RNF207: variants seen among roughly 807,000 people sequenced by gnomAD.
RNF207 encodes the protein ring finger protein 207.
RNF207 carries 72 observed loss-of-function variants against 79.0 expected under a neutral mutation model. The ratio of observed to expected loss-of-function variants is 0.91; its 90% CI spans 0.75 to 1.11. The LOEUF is 1.11. Ranked by LOEUF, RNF207 falls within the 50% of genes least tolerant of loss-of-function variation. The pLI is 0.00. For missense variants in RNF207, 936 were observed against 855.8 expected (o/e 1.09, Z -1.17); for synonymous variants, 348 against 366.2 (o/e 0.95, Z 0.57).
At chr1:6,218,239 C>T (rs766552697) in intron 16 of RNF207, 50 bp from the exon 17 acceptor site, 1 of 1,300,128 alleles carries the variant, frequency 7.7e-7, no homozygotes, top group Admixed American at 1.7e-5. Flanking sequence ...TAAGGCCGTG[C>T]AGCAGCTGGC....
rs1157551245 is a variant in RNF207 at position 6,206,757 on chromosome 1, C to T, written c.191+31C>T. ...TGTCCCAAAGTTCCCCAAAACCCCC[C>T]AGACCCCATCCCCCGGGCCCAAGGT... On this transcript the variant is annotated intron_variant, in intron 2 of 17. Transcript: ENST00000377939. The T allele has an allele frequency of 3.2e-6, 5 of 1,581,152 alleles. No individual in the cohort carries two copies. The African/African-American group carries it at 4.0e-5, about 13-fold the overall frequency.
chr1:6,211,781 C>A lies in RNF207; in HGVS notation c.1110-86C>A. 1 of 961,398 alleles carries A rather than the reference C, an allele frequency of 1.0e-6. No homozygotes were observed. The allele number at this position is 961,398 out of a possible 1,614,324, so 59.6% of individuals were successfully genotyped here. A position where few individuals can be genotyped will look rare whatever the true frequency, so the allele number is the denominator to read the frequency against. On this transcript the variant is annotated intron_variant, in intron 12 of 17. Transcript: ENST00000377939. This position sits in a 1 kb window ranked among gnomAD's most constrained non-coding sequence, Gnocchi z 4.2. ...GGTGGTGGAGAGGGCTGTGAGATCC[C>A]GGAGCAGTCCAGGGGGCTGCCCTGG... is the stretch of plus-strand genomic sequence containing the variant.
At chr1:6,209,365 G>A in intron 6 of RNF207, 22 bp downstream of exon 6, 1 of 1,528,794 alleles carries the variant, frequency 6.5e-7, no homozygotes, top group South Asian at 1.2e-5. Context: ...GGCCTGGCGC[G>A]CGGGGCCGCG....
chr1:6,207,327 G>C lies in RNF207; in HGVS notation c.192-52G>C. The C allele has an allele frequency of 3.3e-6, 5 of 1,494,776 alleles. No individual in the cohort carries two copies. The highest frequency in any genetic ancestry group is 4.5e-6 in the Non-Finnish European group (5 of 1,121,178). 92.6% of individuals were successfully genotyped at this position (1,494,776 alleles called of 1,614,324 possible). On this transcript the variant is annotated intron_variant, in intron 2 of 17. Transcript: ENST00000377939. The surrounding 1 kb of genome is among the most constrained non-coding windows in gnomAD (Gnocchi z 4.5). Reference sequence around the variant, plus strand: ...GCCTGGAATGTGAGGGGTGGGGGTGGGGAGCCCTGGGGAAGGGGTATCAGA... The same window carrying C: ...GCCTGGAATGTGAGGGGTGGGGGTGCGGAGCCCTGGGGAAGGGGTATCAGA...
chr1:6,210,135 G>C lies in RNF207; in HGVS notation c.801-88G>C, dbSNP rs887486144. The C allele has an allele frequency of 2.2e-6, 3 of 1,353,706 alleles. No homozygotes were observed. The East Asian group carries it at 6.9e-5, about 31-fold the overall frequency. The allele number at this position is 1,353,706 out of a possible 1,614,324, so 83.9% of individuals were successfully genotyped here. The stretch of plus-strand genomic sequence containing the variant: ...GGGTGCAGAGAAGGGGTTCAGGGAC[G>C]GACATGCGAAGCTGGAGGCGGGTGG... On this transcript the variant is annotated intron_variant, in intron 8 of 17. Transcript: ENST00000377939.
chr1:6,209,186 G>A lies in RNF207; in HGVS notation c.541G>A (p.Asp181Asn). The change falls in exon 5 of 18, where the codon GAC becomes AAC. Residue 181 changes from aspartate (D) to asparagine (N), a missense_variant. By Grantham distance (23) the Asp-to-Asn change is conservative (BLOSUM62 1). Transcript: ENST00000377939. ...GCTGTTGTGCATCCGCTGCTTCCGCGACATGCAGAAGTGCGTACAGGGGAC... is the reference window on the plus strand; with the variant it reads ...GCTGTTGTGCATCCGCTGCTTCCGCAACATGCAGAAGTGCGTACAGGGGAC... Reference protein sequence around the residue: ...KLLLCIRCFRDMQKESRAHCV... With the variant: ...KLLLCIRCFRNMQKESRAHCV... 1 of 1,554,746 alleles carries A rather than the reference G, an allele frequency of 6.4e-7. No homozygotes were observed. Among genetic ancestry groups the A allele is most frequent in the South Asian group, 1.2e-5 (1 of 84,614 alleles).
Position 6,207,296 on chromosome 1 carries a change from G to T in RNF207, c.192-83G>T. 7.1e-7 allele frequency: 1 copy of T among 1,415,526 alleles called. No homozygotes were observed. Among genetic ancestry groups the T allele is most frequent in the Admixed American group, 2.3e-5 (1 of 42,638 alleles). 87.7% of individuals were successfully genotyped at this position (1,415,526 alleles called of 1,614,324 possible). A position where few individuals can be genotyped will look rare whatever the true frequency, so the allele number is the denominator to read the frequency against. On this transcript the variant is annotated intron_variant, in intron 2 of 17. Transcript: ENST00000377939. This position sits in a 1 kb window ranked among gnomAD's most constrained non-coding sequence, Gnocchi z 4.5. Reference sequence around the variant, plus strand: ...CCACCTCCCAACACAGCTATTTTTAGCTCCAGCCTGGAATGTGAGGGGTGG... The same window carrying T: ...CCACCTCCCAACACAGCTATTTTTATCTCCAGCCTGGAATGTGAGGGGTGG...
In RNF207 at chr1:6,209,120, C is replaced by T; in HGVS notation, c.475C>T (p.His159Tyr). Reference protein sequence around the residue: ...SRDVPQKCTLHAEPYLLFSTD... With the variant: ...SRDVPQKCTLYAEPYLLFSTD... ...ACCGCCCGCCGCCCCCGCAGCGCTG[C>T]ACGCAGAGCCCTACCTCTTGTTCTC... Residue 159 changes from histidine (H) to tyrosine (Y), a missense_variant, in exon 5 of 18, where the codon CAC becomes TAC. By Grantham distance (83) the His-to-Tyr change is moderately conservative. Transcript: ENST00000377939. The T allele has an allele frequency of 6.4e-7, 1 of 1,553,714 alleles. No individual in the cohort carries two copies. The highest frequency in any genetic ancestry group is 2.4e-5 in the East Asian group (1 of 41,332).
chr1:6,216,578 T>G (rs1668367516), intron 16 of RNF207, among the ~76,000 whole-genome samples: 1 of 151,254 alleles, frequency 6.6e-6, no homozygotes, highest in South Asian at 2.1e-4. Flanking sequence ...TTTTTTTTTT[T>G]GAGACCGAGT....
In RNF207 at chr1:6,217,050, G is replaced by T. The variant is rs1379853971; in HGVS notation, c.1653-1239G>T. Among the ~76,000 whole-genome samples the T allele has an allele frequency of 6.6e-6, 1 of 151,830 alleles. No homozygotes were observed. Among genetic ancestry groups the T allele is most frequent in the African/African-American group, 2.4e-5 (1 of 41,302 alleles). On this transcript the variant is annotated intron_variant, in intron 16 of 17. Transcript: ENST00000377939. The surrounding 1 kb of genome is among the most constrained non-coding windows in gnomAD (Gnocchi z 4.2). ...ATGCCCGGCTAATTTTTATAGTTTTGGTAGAGATGGGGTTGTGCTATGTTG... is the reference window on the plus strand; with the variant it reads ...ATGCCCGGCTAATTTTTATAGTTTTTGTAGAGATGGGGTTGTGCTATGTTG...
Position 6,217,083 on chromosome 1 carries a change from T to C in RNF207, c.1653-1206T>C, listed in dbSNP as rs1261356042. ...TGGGGTTGTGCTATGTTGCCAAAGA[T>C]GGTCTCCAACTCCTGGGCTAAGTGA... is the stretch of plus-strand genomic sequence containing the variant. On this transcript the variant is annotated intron_variant, in intron 16 of 17. Transcript: ENST00000377939. The surrounding 1 kb of genome is among the most constrained non-coding windows in gnomAD (Gnocchi z 4.2). Among the ~76,000 whole-genome samples the C allele has an allele frequency of 6.6e-6, 1 of 152,076 alleles. No individual in the cohort carries two copies. Among genetic ancestry groups the C allele is most frequent in the Admixed American group, 6.6e-5 (1 of 15,252 alleles).
In RNF207 at chr1:6,211,421, C is replaced by T. The variant is rs1668162629; in HGVS notation, c.1109+303C>T. 6.6e-6 allele frequency among the ~76,000 whole-genome samples: 1 copy of T among 152,092 alleles called. No homozygotes were observed. The highest frequency in any genetic ancestry group is 1.5e-5 in the Non-Finnish European group (1 of 67,992). ...CACTGCAGCCTCCCCTGGGGTGGGG[C>T]GCCTGGGGCTGGGCTGACCGCCACC... On this transcript the variant is annotated intron_variant, in intron 12 of 17. Coordinates refer to ENST00000377939, the MANE Select transcript of RNF207 (RefSeq NM_207396.3). The surrounding 1 kb of genome is among the most constrained non-coding windows in gnomAD (Gnocchi z 4.2).
Position 6,207,684 on chromosome 1 carries a change from C to T in RNF207, c.324+173C>T. 1 of 775,016 alleles carries T rather than the reference C, an allele frequency of 1.3e-6. No individual in the cohort carries two copies. The highest frequency in any genetic ancestry group is 2.0e-5 in the Admixed American group (1 of 50,036). The allele number at this position is 775,016 out of a possible 1,614,324, so 48.0% of individuals were successfully genotyped here. A position where few individuals can be genotyped will look rare whatever the true frequency, so the allele number is the denominator to read the frequency against. ...GAACCCCATTATACCGGTGGGGAGACTGAGGTCCAGAACAAGGGACTTGAG... is the reference window on the plus strand; with the variant it reads ...GAACCCCATTATACCGGTGGGGAGATTGAGGTCCAGAACAAGGGACTTGAG... On this transcript the variant is annotated intron_variant, in intron 3 of 17. Coordinates refer to ENST00000377939, the MANE Select transcript of RNF207 (RefSeq NM_207396.3). This position sits in a 1 kb window ranked among gnomAD's most constrained non-coding sequence, Gnocchi z 4.5.
At chr1:6,215,012 G>A (rs1571211796) in intron 16 of RNF207, among the ~76,000 whole-genome samples, 1 of 149,864 alleles carries the variant, frequency 6.7e-6, no homozygotes, top group East Asian at 2.0e-4. Context: ...GCCCTCTAAT[G>A]TACCTTTTCT....
Position 6,207,924 on chromosome 1 carries a change from A to G in RNF207, c.324+413A>G. 1 of 358,988 alleles carries G rather than the reference A, an allele frequency of 2.8e-6. No homozygotes were observed. Among genetic ancestry groups the G allele is most frequent in the South Asian group, 2.2e-5 (1 of 45,770 alleles). The allele number at this position is 358,988 out of a possible 1,614,324, so 22.2% of individuals were successfully genotyped here. A position where few individuals can be genotyped will look rare whatever the true frequency, so the allele number is the denominator to read the frequency against. Reference sequence around the variant, plus strand: ...CATGCTGTTCCCTCTGGGCTGTAAAAGGCACAGGGGACTCTGGCCTGCGGA... The same window carrying G: ...CATGCTGTTCCCTCTGGGCTGTAAAGGGCACAGGGGACTCTGGCCTGCGGA... On this transcript the variant is annotated intron_variant, in intron 3 of 17. Transcript: ENST00000377939. This position sits in a 1 kb window ranked among gnomAD's most constrained non-coding sequence, Gnocchi z 4.5.
rs1389868925 is a variant in RNF207 at position 6,207,270 on chromosome 1, C to T, written c.192-109C>T. ...AGCAGACCCCAGAGCTGTGGTGCAC[C>T]CCACCTCCCAACACAGCTATTTTTA... is the stretch of plus-strand genomic sequence containing the variant. On this transcript the variant is annotated intron_variant, in intron 2 of 17. Coordinates refer to ENST00000377939, the MANE Select transcript of RNF207 (RefSeq NM_207396.3). This position sits in a 1 kb window ranked among gnomAD's most constrained non-coding sequence, Gnocchi z 4.5. 1 of 1,166,754 alleles carries T rather than the reference C, an allele frequency of 8.6e-7. No individual in the cohort carries two copies. The highest frequency in any genetic ancestry group is 1.5e-5 in the African/African-American group (1 of 65,054). 72.3% of individuals were successfully genotyped at this position (1,166,754 alleles called of 1,614,324 possible). A position where few individuals can be genotyped will look rare whatever the true frequency, so the allele number is the denominator to read the frequency against.
Position 6,209,147 on chromosome 1 carries a change from A to C in RNF207, c.502A>C (p.Thr168Pro). ...LHAEPYLLFS[T>P]DKKLLLCIRC... ...CGCAGAGCCCTACCTCTTGTTCTCC[A>C]CCGACAAGAAGTTGCTGTTGTGCAT... is the stretch of plus-strand genomic sequence containing the variant. Residue 168 changes from threonine to proline, a missense_variant, in exon 5 of 18, where the codon ACC (threonine) becomes CCC (proline). By Grantham distance (38) the Thr-to-Pro change is conservative (BLOSUM62 -1). Coordinates refer to ENST00000377939, the MANE Select transcript of RNF207 (RefSeq NM_207396.3). The C allele has an allele frequency of 1.9e-6, 3 of 1,557,874 alleles. No homozygotes were observed. The highest frequency in any genetic ancestry group is 1.7e-6 in the Non-Finnish European group (2 of 1,150,312).
chr1:6,207,151 G>A lies in RNF207; in HGVS notation c.192-228G>A, dbSNP rs1024565888. On this transcript the variant is annotated intron_variant, in intron 2 of 17. Coordinates refer to ENST00000377939, the MANE Select transcript of RNF207 (RefSeq NM_207396.3). This position sits in a 1 kb window ranked among gnomAD's most constrained non-coding sequence, Gnocchi z 4.5. ...ATGTCGAGGAGCAGCTTCTGCTTTT[G>A]ATACTAGGGGACCAACCCCACTGTC... Among the ~76,000 whole-genome samples, 1 of 152,218 alleles carries A rather than the reference G, an allele frequency of 6.6e-6. No individual in the cohort carries two copies. Among genetic ancestry groups the A allele is most frequent in the African/African-American group, 2.4e-5 (1 of 41,462 alleles).
At position 6,208,640 on chromosome 1, in the gene RNF207, C is replaced by T. The variant is rs1156617224; in HGVS notation, c.325-241C>T. 8 of 536,208 alleles carry T rather than the reference C, an allele frequency of 1.5e-5. No individual in the cohort carries two copies. The East Asian group carries it at 2.7e-4, about 18-fold the overall frequency. 33.2% of individuals were successfully genotyped at this position (536,208 alleles called of 1,614,324 possible). A position where few individuals can be genotyped will look rare whatever the true frequency, so the allele number is the denominator to read the frequency against. ...ATGTTTTATAAAGGCAGTTTCTGCC[C>T]TCTCCCCGCGTCCCCCACCCCCCTC... On this transcript the variant is annotated intron_variant, in intron 3 of 17. Transcript: ENST00000377939.
Sources: allele counts gnomAD v4.1 joint callset (sites outside exome capture counted in the v4.1 genomes callset), GRCh38; gene constraint gnomAD v4.1.1; non-coding constraint Gnocchi (gnomAD v3.1); transcripts MANE v1.5; gene names NCBI Gene and HGNC (gene_info 2026-07-23, HGNC 2026-07-21).